CDK6: variants seen among roughly 807,000 people sequenced by gnomAD.
CDK6 encodes cyclin-dependent kinase 6.
CDK6 carries 6 observed loss-of-function variants against 37.1 expected under a neutral mutation model. That is an observed-to-expected ratio of 0.16 (90% CI 0.09 to 0.32). The LOEUF (loss-of-function observed/expected upper bound fraction) is 0.32, where lower values mean the gene tolerates loss of function less well. Among genes scored for constraint, CDK6 ranks in the 10% least tolerant of loss-of-function variants. The pLI, the probability that CDK6 is intolerant of heterozygous loss-of-function variation, is 1.00. For synonymous variants in CDK6, 160 were observed against 161.3 expected, an observed-to-expected ratio of 0.99 and a Z score of 0.06; for missense variants, 224 against 418.9, an observed-to-expected ratio of 0.53 and a Z score of 4.06.
intron 3 of CDK6, among the ~76,000 whole-genome samples, chr7:92,770,469 G>A (rs1799685044): frequency 6.6e-6 from 1 of 151,924 alleles, no homozygotes; most frequent in Non-Finnish European, 1.5e-5. Context: ...AGTCCCACAT[G>A]AGCACCGTGC....
intron 2 of CDK6, among the ~76,000 whole-genome samples, chr7:92,816,945 C>T (rs1342052065): frequency 1.3e-5 from 2 of 151,646 alleles, no homozygotes; most frequent in African/African-American, 4.8e-5. Flanking sequence ...TACCACCCCC[C>T]CAAAAAAACC....
intron 2 of CDK6, among the ~76,000 whole-genome samples, chr7:92,799,908 A>G (rs1020640459): frequency 3.3e-5 from 5 of 152,148 alleles, no homozygotes; most frequent in Non-Finnish European, 5.9e-5. Flanking sequence ...GTAACTCAAC[A>G]TGTTCAAAAC....
chr7:92,814,626 A>G (rs990444719), intron 2 of CDK6, among the ~76,000 whole-genome samples: 2 of 151,578 alleles, frequency 1.3e-5, no homozygotes, highest in African/African-American at 4.8e-5. Flanking sequence ...TCAGACTTCC[A>G]GTTCAAAATG....
intron 5 of CDK6, among the ~76,000 whole-genome samples, chr7:92,631,492 T>A (rs1357502094): frequency 6.6e-6 from 1 of 152,190 alleles, no homozygotes; most frequent in Non-Finnish European, 1.5e-5. Context: ...ACTGCTACTG[T>A]GTAATAAGGG....
intron 2 of CDK6, among the ~76,000 whole-genome samples, chr7:92,800,762 T>C (rs1403618467): frequency 6.6e-6 from 1 of 152,208 alleles, no homozygotes; most frequent in African/African-American, 2.4e-5. Context: ...TAAGATCTAA[T>C]ATGTAGCTGG....
Position 92,731,309 on chromosome 7 carries a change from C to T in CDK6, c.370-5516G>A, listed in dbSNP as rs563366992. ...TCATCCAAAATCACAAAGAACAAGACAAACAAATTCTGAGAAACCAAGAGG... is the reference window on the plus strand; with the variant it reads ...TCATCCAAAATCACAAAGAACAAGATAAACAAATTCTGAGAAACCAAGAGG... On this transcript the variant is annotated intron_variant, in intron 3 of 7. Coordinates refer to ENST00000424848, the MANE Select transcript of CDK6 (RefSeq NM_001145306.2). Among the ~76,000 whole-genome samples, 55 of 152,270 alleles carry T rather than the reference C, an allele frequency of 3.6e-4. No individual in the cohort carries two copies. In the South Asian group the frequency reaches 4.4e-3, roughly 12 times the overall value.
intron 5 of CDK6, among the ~76,000 whole-genome samples, chr7:92,659,910 A>C (rs1796798971): frequency 6.6e-6 from 1 of 152,194 alleles, no homozygotes; most frequent in Admixed American, 6.5e-5. Flanking sequence ...TAGAAAAAAG[A>C]TGAAAGCAAG....
chr7:92,685,077 TA>T (rs1430940985), intron 4 of CDK6, among the ~76,000 whole-genome samples: 2 of 152,220 alleles, frequency 1.3e-5, no homozygotes, highest in Non-Finnish European at 2.9e-5. Context: ...CCTCAAAATC[TA>T]AAATTCATTT....
At chr7:92,705,522 G>A (rs2116669912) in intron 4 of CDK6, among the ~76,000 whole-genome samples, 1 of 152,140 alleles carries the variant, frequency 6.6e-6, no homozygotes, top group East Asian at 1.9e-4. Flanking sequence ...GAGAGTGAAA[G>A]GTTTCATGTA....
rs376353154 is a variant in CDK6 at position 92,785,690 on chromosome 7, C to T, written c.234-10859G>A. Among the ~76,000 whole-genome samples the T allele has an allele frequency of 1.2e-4, 18 of 152,248 alleles. 1 individual carries two copies. Among genetic ancestry groups the T allele is most frequent in the African/African-American group, 4.1e-4 (17 of 41,560 alleles). On this transcript the variant is annotated intron_variant, in intron 2 of 7. Coordinates refer to ENST00000424848, the MANE Select transcript of CDK6 (RefSeq NM_001145306.2). Reference sequence around the variant, plus strand: ...GCTCCAGAATCTGATTTTCTAACCACTCTGTTATTCTGCCTCTGAATGCAG... The same window carrying T: ...GCTCCAGAATCTGATTTTCTAACCATTCTGTTATTCTGCCTCTGAATGCAG...
chr7:92,635,604 T>A (rs1796152001), intron 5 of CDK6, among the ~76,000 whole-genome samples: 1 of 152,342 alleles, frequency 6.6e-6, no homozygotes, highest in Non-Finnish European at 1.5e-5. Context: ...TAGAATGAAC[T>A]GTTACTCGTT....
intron 5 of CDK6, among the ~76,000 whole-genome samples, chr7:92,653,849 C>A (rs1379275981): frequency 6.6e-6 from 1 of 152,122 alleles, no homozygotes; most frequent in Non-Finnish European, 1.5e-5. Flanking sequence ...TTAAGCAATC[C>A]CCCTGCCTTG....
rs1795521831 is a variant in CDK6, at chr7:92,609,812, T to A, written c.*5328A>T. 4.3e-6 allele frequency: 1 copy of A among 230,320 alleles called. No homozygotes were observed. The highest frequency in any genetic ancestry group is 2.2e-5 in the African/African-American group (1 of 45,212). 14.3% of individuals were successfully genotyped at this position (230,320 alleles called of 1,614,324 possible). A position where few individuals can be genotyped will look rare whatever the true frequency, so the allele number is the denominator to read the frequency against. On this transcript the variant is annotated 3_prime_UTR_variant, in exon 8 of 8. Coordinates refer to ENST00000424848, the MANE Select transcript of CDK6 (RefSeq NM_001145306.2). ...GTAAGGTAACTGGGTACTTCAAAAA[T>A]TTTTTCTTGACTGAATGAATGACTA...
At chr7:92,830,643 C>T (rs1360657500) in intron 2 of CDK6, among the ~76,000 whole-genome samples, 1 of 152,166 alleles carries the variant, frequency 6.6e-6, no homozygotes, top group Admixed American at 6.5e-5. Context: ...ATCCAGAATT[C>T]TTAGTCTGGC....
chr7:92,712,159 C>CAA (rs1422096624), intron 4 of CDK6, among the ~76,000 whole-genome samples: 477 of 129,078 alleles, frequency 3.7e-3, no homozygotes, highest in African/African-American at 0.012. Flanking sequence ...GACTCCGTCC[C>CAA]AAAAAAAAAA....
chr7:92,614,886 T>C lies in CDK6; in HGVS notation c.*254A>G, dbSNP rs1795639448. 1 of 419,370 alleles carries C rather than the reference T, an allele frequency of 2.4e-6. No homozygotes were observed. The highest frequency in any genetic ancestry group is 3.4e-5 in the East Asian group (1 of 29,642). 26.0% of individuals were successfully genotyped at this position (419,370 alleles called of 1,614,324 possible). ...AATTGGTCAGCAGCTTCTCTTCTTCTGGAATTTTTCCAGGTTCTTGAAACA... is the reference window on the plus strand; with the variant it reads ...AATTGGTCAGCAGCTTCTCTTCTTCCGGAATTTTTCCAGGTTCTTGAAACA... On this transcript the variant is annotated 3_prime_UTR_variant, in exon 8 of 8. Transcript: ENST00000424848.
intron 5 of CDK6, among the ~76,000 whole-genome samples, chr7:92,648,680 A>T (rs1308956608): frequency 1.3e-5 from 2 of 152,214 alleles, no homozygotes; most frequent in Non-Finnish European, 2.9e-5. Context: ...TTCAATACGT[A>T]TTGGATGACC....
At position 92,728,288 on chromosome 7, in the gene CDK6, C is replaced by CT. The variant is rs546300237; in HGVS notation, c.370-2496dup. Among the ~76,000 whole-genome samples the CT allele has an allele frequency of 2.6e-5, 4 of 152,054 alleles. 1 individual carries two copies. The highest frequency in any genetic ancestry group is 4.1e-4 in the South Asian group (2 of 4,826). ...AGAGAAAACTTCACTGTTAATATAA[C>CT]TTTTTTTGTGTCTTTTTAGTCTGTC... On this transcript the variant is annotated intron_variant, in intron 3 of 7. Coordinates refer to ENST00000424848, the MANE Select transcript of CDK6 (RefSeq NM_001145306.2).
chr7:92,725,409 G>T, intron 4 of CDK6: 1 of 815,506 alleles, frequency 1.2e-6, no homozygotes, highest in Middle Eastern at 6.3e-4. Context: ...GGCTATTTCT[G>T]CAATGGATCC....
Sources: gnomAD v4.1 joint callset for allele counts (sites outside exome capture counted in the v4.1 genomes callset) on GRCh38, gnomAD v4.1.1 for gene constraint, MANE v1.5 for transcripts, NCBI Gene and HGNC (gene_info 2026-07-23, HGNC 2026-07-21) for gene names.